Variants in SPAG17 observed in about 807,000 individuals in gnomAD.
SPAG17 encodes the protein sperm-associated antigen 17.
SPAG17 carries 169 observed loss-of-function variants against 273.6 expected under a neutral mutation model. That is an observed-to-expected ratio of 0.62 (90% CI 0.55 to 0.70). SPAG17 has a LOEUF of 0.70. SPAG17 is among the 30% of genes least tolerant of loss of function. The pLI is 0.00. For missense variants in SPAG17, 2,557 were observed against 2,627.8 expected (o/e 0.97, Z 0.59); for synonymous variants, 825 against 873.2 (o/e 0.94, Z 0.97).
At chr1:117,975,561 G>T (rs1236396206) in intron 43 of SPAG17, among the ~76,000 whole-genome samples, 1 of 152,178 alleles carries the variant, frequency 6.6e-6, no homozygotes, top group Non-Finnish European at 1.5e-5. Flanking sequence ...ACCTAAGTGT[G>T]TTGGAACCAC....
At position 117,963,935 on chromosome 1, in the gene SPAG17, A is replaced by G. The variant is rs756668501; in HGVS notation, c.6536T>C (p.Val2179Ala). 5.0e-6 allele frequency: 8 copies of G among 1,613,750 alleles called. No homozygotes were observed. Among genetic ancestry groups the G allele is most frequent in the Non-Finnish European group, 5.9e-6 (7 of 1,179,786 alleles). ...EVLFLPVEAT[V>A]LTSSNYDKRP... ...TTTATCATAATTGCTGCTTGTTAAA[A>G]CAGGTAAAATACTTGTTAAGGGCTG... Residue 2179 changes from valine (V) to alanine (A), a missense_variant, in exon 48 of 49, where the codon GTT becomes GCT. Transcript: ENST00000336338.
intron 7 of SPAG17, among the ~76,000 whole-genome samples, chr1:118,096,350 C>T (rs1275708687): frequency 3.9e-5 from 5 of 128,610 alleles, no homozygotes; most frequent in South Asian, 5.2e-4. Flanking sequence ...TTTAGACAGT[C>T]GGCTTTTTTT....
At chr1:118,106,904 G>A (rs1246595090) in intron 4 of SPAG17, among the ~76,000 whole-genome samples, 1 of 152,120 alleles carries the variant, frequency 6.6e-6, no homozygotes, top group Non-Finnish European at 1.5e-5. Context: ...AGCCATTTTA[G>A]CAAAGACTGG....
At chr1:118,078,520 AT>A (rs1330519779) in intron 15 of SPAG17, among the ~76,000 whole-genome samples, 1 of 152,052 alleles carries the variant, frequency 6.6e-6, no homozygotes, top group Non-Finnish European at 1.5e-5. Context: ...CATACACAGT[AT>A]TTACAAATAA....
chr1:118,065,674 T>C (rs1233623633), intron 18 of SPAG17, among the ~76,000 whole-genome samples: 3 of 152,102 alleles, frequency 2.0e-5, no homozygotes, highest in African/African-American at 7.2e-5. Context: ...TTAATGAAAT[T>C]AGCACTTTCA....
At chr1:118,046,382 A>T (rs532263057) in intron 20 of SPAG17, among the ~76,000 whole-genome samples, 69 of 152,238 alleles carry the variant, frequency 4.5e-4, no homozygotes, top group African/African-American at 1.6e-3. Context: ...TGAAACAATT[A>T]CAATGATAAT....
chr1:117,991,031 G>A, intron 37 of SPAG17, 125 bp from the exon 38 acceptor site: 1 of 492,770 alleles, frequency 2.0e-6, no homozygotes, highest in Non-Finnish European at 3.5e-6. Context: ...TAAAAATACT[G>A]ATATAAAATT....
In SPAG17 at chr1:118,036,864, A is replaced by C; in HGVS notation, c.3339T>G (p.Asn1113Lys). Residue 1113 changes from asparagine to lysine, a missense_variant, in exon 24 of 49, where the codon AAT (asparagine) becomes AAG (lysine). Physicochemically the swap from Asn to Lys is moderately conservative, Grantham distance 94. Transcript: ENST00000336338. ...AAGATCCAAACTTGCTGAAAGCTTT[A>C]TTCTTTGCATCTGATACTTCTAAAA... is the stretch of plus-strand genomic sequence containing the variant. ...SLETEVSDAK[N>K]KAFSKFGSFS... The C allele has an allele frequency of 3.2e-6, 5 of 1,556,530 alleles. No individual in the cohort carries two copies. Among genetic ancestry groups the C allele is most frequent in the Non-Finnish European group, 4.4e-6 (5 of 1,148,594 alleles).
chr1:118,115,540 C>T (rs1352521230), intron 3 of SPAG17, 99 bp from the exon 4 acceptor site: 1 of 1,225,630 alleles, frequency 8.2e-7, no homozygotes, highest in Admixed American at 2.7e-5. Flanking sequence ...TATTATTTGT[C>T]ATACTGGAAA....
chr1:118,131,570 G>A (rs966985049), intron 3 of SPAG17, among the ~76,000 whole-genome samples: 8 of 151,940 alleles, frequency 5.3e-5, no homozygotes, highest in East Asian at 3.8e-4. Flanking sequence ...ACTATTTTTC[G>A]TTGATCTAAA....
chr1:118,048,265 C>A (rs1170309918), intron 20 of SPAG17, among the ~76,000 whole-genome samples: 1 of 151,874 alleles, frequency 6.6e-6, no homozygotes, highest in Middle Eastern at 3.2e-3. Context: ...ACTCAAGGAC[C>A]CAGACTCCAG....
chr1:118,056,484 A>C (rs1163558522), intron 18 of SPAG17, among the ~76,000 whole-genome samples: 1 of 152,194 alleles, frequency 6.6e-6, no homozygotes, highest in Non-Finnish European at 1.5e-5. Flanking sequence ...TTTGTTGCTT[A>C]CCAGCAGTCA....
At position 117,996,485 on chromosome 1, in the gene SPAG17, A is replaced by G. The variant is rs774147103; in HGVS notation, c.4938T>C (p.Tyr1646=). The G allele has an allele frequency of 5.6e-6, 9 of 1,612,096 alleles. No individual in the cohort carries two copies. Among genetic ancestry groups the G allele is most frequent in the South Asian group, 1.1e-5 (1 of 90,850 alleles). ...GEHVPRFFVM[Y]ADGSGMELLR... is the part of the protein sequence containing the mutation. The stretch of plus-strand genomic sequence containing the variant: ...GAAGTTCCATTCCTGATCCATCAGC[A>G]TACATAACAAAAAACCTATTTGAAG... The change falls in exon 34 of 49, where the codon TAT becomes TAC. Residue 1646 remains tyrosine, a synonymous_variant. Coordinates refer to ENST00000336338, the MANE Select transcript of SPAG17 (RefSeq NM_206996.4).
At chr1:118,112,030 T>TG (rs1488947413) in intron 4 of SPAG17, among the ~76,000 whole-genome samples, 1 of 152,320 alleles carries the variant, frequency 6.6e-6, no homozygotes, top group Middle Eastern at 3.4e-3. Context: ...ACAAACATTC[T>TG]GAACTAAACA....
At chr1:118,129,209 T>G (rs1228713952) in intron 3 of SPAG17, among the ~76,000 whole-genome samples, 1 of 152,232 alleles carries the variant, frequency 6.6e-6, no homozygotes, top group Non-Finnish European at 1.5e-5. Flanking sequence ...CCAGTACATT[T>G]CCTAATTGTT....
At chr1:118,120,399 G>A (rs1220865400) in intron 3 of SPAG17, among the ~76,000 whole-genome samples, 1 of 152,174 alleles carries the variant, frequency 6.6e-6, no homozygotes, top group Non-Finnish European at 1.5e-5. Flanking sequence ...ATATGATAGG[G>A]AAAAGTGAAA....
At chr1:117,977,999 C>T (rs1655323806) in intron 43 of SPAG17, among the ~76,000 whole-genome samples, 1 of 152,180 alleles carries the variant, frequency 6.6e-6, no homozygotes, top group Non-Finnish European at 1.5e-5. Context: ...GTCTCATGGC[C>T]ACATTTTTTA....
chr1:118,056,526 T>C (rs953464361), intron 18 of SPAG17, among the ~76,000 whole-genome samples: 1 of 152,228 alleles, frequency 6.6e-6, no homozygotes, highest in African/African-American at 2.4e-5. Flanking sequence ...ACATCACTTA[T>C]ACTGACTAGT....
At chr1:117,988,807 G>A (rs1656738058) in intron 38 of SPAG17, among the ~76,000 whole-genome samples, 1 of 152,086 alleles carries the variant, frequency 6.6e-6, no homozygotes, top group Admixed American at 6.6e-5. Flanking sequence ...AAGAAAATAA[G>A]ACAATATGAA....
Sources: gnomAD v4.1 joint callset for allele counts (sites outside exome capture counted in the v4.1 genomes callset) on GRCh38, gnomAD v4.1.1 for gene constraint, MANE v1.5 for transcripts, NCBI Gene and HGNC (gene_info 2026-07-23, HGNC 2026-07-21) for gene names.